Variants in LTBP1 observed in about 807,000 individuals in gnomAD.
LTBP1 encodes latent-transforming growth factor beta-binding protein 1.
LTBP1 carries 129 observed loss-of-function variants against 207.6 expected under a neutral mutation model. That is an observed-to-expected ratio of 0.62 (90% CI 0.54 to 0.72). The LOEUF (loss-of-function observed/expected upper bound fraction) is 0.72. Among genes scored for constraint, LTBP1 ranks in the 30% least tolerant of loss-of-function variants. The pLI is 0.00. For missense variants in LTBP1, 2,281 were observed against 2,217.2 expected (o/e 1.03, Z -0.58); for synonymous variants, 963 against 833.7 (o/e 1.16, Z -2.67).
In LTBP1 at chr2:33,215,711, C is replaced by CTTTTTT. The variant is rs201936680; in HGVS notation, c.1702-1837_1702-1836insTTTTTT. Among the ~76,000 whole-genome samples the CTTTTTT allele has an allele frequency of 1.4e-4, 18 of 126,036 alleles. 3 individuals carry two copies. Among genetic ancestry groups the CTTTTTT allele is most frequent in the Non-Finnish European group, 1.0e-4 (6 of 59,558 alleles). The allele number at this position is 126,036 out of a possible 152,430, so 82.7% of individuals were successfully genotyped here. ...TGGATGCTAAACTTCCATTGGTTTT[C>CTTTTTT]TTTTGTTTTTTGTTTTTTTTTTTTG... On this transcript the variant is annotated intron_variant, in intron 7 of 33. Coordinates refer to ENST00000404816, the MANE Select transcript of LTBP1 (RefSeq NM_206943.4).
intron 3 of LTBP1, among the ~76,000 whole-genome samples, chr2:33,094,775 G>C (rs1411667826): frequency 6.6e-6 from 1 of 152,146 alleles, no homozygotes; most frequent in Non-Finnish European, 1.5e-5. Flanking sequence ...GCTTTCATGA[G>C]TTGCACTGCA....
At chr2:32,959,208 G>T (rs1347683764) in intron 2 of LTBP1, among the ~76,000 whole-genome samples, 1 of 152,178 alleles carries the variant, frequency 6.6e-6, no homozygotes, top group Admixed American at 6.5e-5. Context: ...CAGTGGATGG[G>T]AAGATGAATT....
At position 33,222,239 on chromosome 2, in the gene LTBP1, G is replaced by A. The variant is rs375792598; in HGVS notation, c.1876+88G>A. ...GTTGTTTGCCACGGCTTGCTCATTC[G>A]CCCAGCCTGTCACAGTGAACCACCT... On this transcript the variant is annotated intron_variant, in intron 9 of 33. Transcript: ENST00000404816. 1.3e-3 allele frequency: 1,159 copies of A among 912,116 alleles called. 17 individuals are homozygous for A. The South Asian group carries it at 0.015, about 12-fold the overall frequency. The allele number at this position is 912,116 out of a possible 1,614,324, so 56.5% of individuals were successfully genotyped here.
intron 20 of LTBP1, among the ~76,000 whole-genome samples, chr2:33,295,137 A>T (rs978763371): frequency 1.3e-5 from 2 of 152,098 alleles, no homozygotes; most frequent in South Asian, 2.1e-4. Flanking sequence ...TATTTTATAT[A>T]CTTAACATTT....
At chr2:33,085,206 G>A (rs2078678293) in intron 3 of LTBP1, among the ~76,000 whole-genome samples, 1 of 152,142 alleles carries the variant, frequency 6.6e-6, no homozygotes, top group African/African-American at 2.4e-5. Context: ...AGGGAGTGTG[G>A]CTCTGCTGGT....
intron 9 of LTBP1, among the ~76,000 whole-genome samples, chr2:33,234,239 A>G (rs11678479): frequency 0.025 from 3,749 of 152,206 alleles, 75 homozygotes; most frequent in Non-Finnish European, 0.038. Flanking sequence ...CATTGCCCCA[A>G]AGTTACAGCT....
At chr2:33,117,562 CA>C (rs1166980963) in intron 4 of LTBP1, among the ~76,000 whole-genome samples, 5 of 152,146 alleles carry the variant, frequency 3.3e-5, no homozygotes, top group Non-Finnish European at 7.3e-5. Context: ...TTTGCTCTGT[CA>C]AAACAAAGCT....
chr2:33,268,855 C>G (rs1027983430), intron 15 of LTBP1, among the ~76,000 whole-genome samples: 1 of 152,192 alleles, frequency 6.6e-6, no homozygotes, highest in African/African-American at 2.4e-5. Flanking sequence ...CTCTTGCAGA[C>G]TGGTCAGAAA....
At chr2:33,189,815 C>T (rs930835335) in intron 7 of LTBP1, among the ~76,000 whole-genome samples, 1 of 152,040 alleles carries the variant, frequency 6.6e-6, no homozygotes, top group African/African-American at 2.4e-5. Flanking sequence ...TACCTGAGGT[C>T]AGGAGTTCGA....
chr2:33,261,032 A>G (rs1274919750), intron 13 of LTBP1, among the ~76,000 whole-genome samples: 1 of 152,356 alleles, frequency 6.6e-6, no homozygotes, highest in East Asian at 1.9e-4. Flanking sequence ...AAGAAAAGAA[A>G]GGATACCCAG....
At chr2:33,288,214 C>T (rs966193211) in intron 19 of LTBP1, among the ~76,000 whole-genome samples, 6 of 152,116 alleles carry the variant, frequency 3.9e-5, no homozygotes, top group Non-Finnish European at 5.9e-5. Context: ...ATTACTGCTC[C>T]GGGACAAATT....
intron 23 of LTBP1, among the ~76,000 whole-genome samples, chr2:33,314,442 G>A (rs1282412106): frequency 3.3e-5 from 5 of 152,140 alleles, no homozygotes; most frequent in Admixed American, 1.3e-4. Context: ...CCAGCCACTC[G>A]AGAGGCTGAG....
chr2:33,304,274 T>C (rs1191486263), intron 22 of LTBP1, among the ~76,000 whole-genome samples: 1 of 152,228 alleles, frequency 6.6e-6, no homozygotes, highest in Non-Finnish European at 1.5e-5. Context: ...TTTGAAACTA[T>C]GTTAGCACCT....
At chr2:33,227,541 T>C (rs2091508694) in intron 9 of LTBP1, among the ~76,000 whole-genome samples, 1 of 152,134 alleles carries the variant, frequency 6.6e-6, no homozygotes, top group Non-Finnish European at 1.5e-5. Flanking sequence ...CCCCTACTTA[T>C]GCCCCATGCC....
intron 3 of LTBP1, among the ~76,000 whole-genome samples, chr2:33,074,940 A>C (rs1318440576): frequency 1.3e-5 from 2 of 151,598 alleles, no homozygotes; most frequent in Non-Finnish European, 2.9e-5. Flanking sequence ...AATCCCAGCT[A>C]CTTGGGAGGC....
chr2:33,073,879 G>A (rs2077935431), intron 3 of LTBP1, among the ~76,000 whole-genome samples: 2 of 152,138 alleles, frequency 1.3e-5, no homozygotes, highest in Admixed American at 6.5e-5. Context: ...CACCCGCCTC[G>A]GCCTCCCGAA....
chr2:33,344,161 T>A (rs1247671400), intron 25 of LTBP1, among the ~76,000 whole-genome samples: 2 of 152,246 alleles, frequency 1.3e-5, no homozygotes, highest in Non-Finnish European at 1.5e-5. Context: ...CAACCAAAAA[T>A]TATTTACAAA....
At chr2:33,397,868 G>A (rs1025720969) in intron 33 of LTBP1, among the ~76,000 whole-genome samples, 1 of 151,906 alleles carries the variant, frequency 6.6e-6, no homozygotes, top group African/African-American at 2.4e-5. Context: ...GCTTTTGTTA[G>A]TTTTAATCCA....
intron 4 of LTBP1, among the ~76,000 whole-genome samples, chr2:33,132,726 C>T (rs7577712): frequency 0.96 from 146,231 of 152,308 alleles, 70,229 homozygotes; most frequent in East Asian, 1. Flanking sequence ...AGAAACTGTC[C>T]TGGAAAACCA....
Sources: allele counts gnomAD v4.1 joint callset (sites outside exome capture counted in the v4.1 genomes callset), GRCh38; gene constraint gnomAD v4.1.1; transcripts MANE v1.5; gene names NCBI Gene and HGNC (gene_info 2026-07-23, HGNC 2026-07-21).